DPP8: variants seen among roughly 807,000 people sequenced by gnomAD.
The protein encoded by DPP8 is DPP VIII.
DPP8 carries 31 observed loss-of-function variants against 107.5 expected under a neutral mutation model. That is an observed-to-expected ratio of 0.29 (90% CI 0.22 to 0.39). The LOEUF (loss-of-function observed/expected upper bound fraction) is 0.39. DPP8 is among the 10% of genes least tolerant of loss of function. The pLI is 1.00. For missense variants in DPP8, 842 were observed against 1,076.1 expected (o/e 0.78, Z 3.04); for synonymous variants, 381 against 356.6 (o/e 1.07, Z -0.77).
intron 1 of DPP8, 58 bp from the exon 2 acceptor site, chr15:65,512,622 T>C (rs2070935514): frequency 1.3e-6 from 2 of 1,580,880 alleles, no homozygotes; most frequent in African/African-American, 1.4e-5. Context: ...ATCAGAATGA[T>C]TCTCTGAGAG....
intron 3 of DPP8, among the ~76,000 whole-genome samples, chr15:65,506,365 A>T (rs988907581): frequency 6.6e-6 from 1 of 152,040 alleles, no homozygotes; most frequent in South Asian, 2.1e-4. Flanking sequence ...ATAAATACTC[A>T]CTGTAAAAAT....
At chr15:65,464,893 G>A (rs1052830488) in intron 14 of DPP8, among the ~76,000 whole-genome samples, 3 of 152,032 alleles carry the variant, frequency 2.0e-5, no homozygotes, top group Admixed American at 2.0e-4. Flanking sequence ...GCTGGGTGGG[G>A]GGGTGAGGTA....
chr15:65,512,679 T>G, intron 1 of DPP8, 115 bp from the exon 2 acceptor site: 1 of 1,031,690 alleles, frequency 9.7e-7, no homozygotes, highest in Non-Finnish European at 1.4e-6. Flanking sequence ...AAAAAATGCT[T>G]TTTAGCACAG....
chr15:65,503,817 G>T (rs2069561706), intron 3 of DPP8, among the ~76,000 whole-genome samples: 1 of 151,606 alleles, frequency 6.6e-6, no homozygotes, highest in African/African-American at 2.4e-5. Flanking sequence ...TAGAGATGGG[G>T]TTTCACCATG....
rs780619811 is a variant in DPP8, at chr15:65,490,175, T to A, written c.826+14A>T. On this transcript the variant is annotated intron_variant, in intron 6 of 19. Coordinates refer to ENST00000300141, the MANE Select transcript of DPP8 (RefSeq NM_130434.5). ...TTTAATTGACCCATAATATATTATT[T>A]TGAACCCCCTTACTTGTTTCAGCTT... 3 of 1,305,918 alleles carry A rather than the reference T, an allele frequency of 2.3e-6. No individual in the cohort carries two copies. The allele number at this position is 1,305,918 out of a possible 1,614,324, so 80.9% of individuals were successfully genotyped here.
At chr15:65,490,364 G>A in intron 5 of DPP8, 65 bp from the exon 6 acceptor site, 2 of 1,002,228 alleles carry the variant, frequency 2.0e-6, no homozygotes, top group South Asian at 2.6e-5. Flanking sequence ...AAAGCAAAAT[G>A]ATTCAGTTTA....
intron 8 of DPP8, among the ~76,000 whole-genome samples, chr15:65,483,022 G>A (rs960448847): frequency 1.2e-4 from 18 of 151,968 alleles, no homozygotes; most frequent in African/African-American, 1.7e-4. Context: ...GCGTGAACCC[G>A]GGAGGCGGAG....
chr15:65,459,326 G>A (rs1172919176), intron 15 of DPP8, among the ~76,000 whole-genome samples: 1 of 151,988 alleles, frequency 6.6e-6, no homozygotes, highest in African/African-American at 2.4e-5. Context: ...AGAGGTGTTT[G>A]CCACCATGCC....
At chr15:65,501,009 C>T (rs905199436) in intron 3 of DPP8, among the ~76,000 whole-genome samples, 1 of 151,794 alleles carries the variant, frequency 6.6e-6, no homozygotes, top group East Asian at 1.9e-4. Context: ...TTCCTAGTAG[C>T]TGGGACTACA....
chr15:65,446,753 T>C lies in DPP8; in HGVS notation c.*131A>G, dbSNP rs1409352460. 1.1e-6 allele frequency: 1 copy of C among 927,558 alleles called. No individual in the cohort carries two copies. Among genetic ancestry groups the C allele is most frequent in the Non-Finnish European group, 1.5e-6 (1 of 649,864 alleles). 57.5% of individuals were successfully genotyped at this position (927,558 alleles called of 1,614,324 possible). The stretch of plus-strand genomic sequence containing the variant: ...CCGTAGACCCCTGCATGGCACCACA[T>C]TTATTTTCAGGAGTAGATGTTACAT... On this transcript the variant is annotated 3_prime_UTR_variant, in exon 20 of 20. Coordinates refer to ENST00000300141, the MANE Select transcript of DPP8 (RefSeq NM_130434.5).
intron 16 of DPP8, among the ~76,000 whole-genome samples, chr15:65,454,921 A>G (rs990909819): frequency 5.9e-5 from 9 of 152,106 alleles, no homozygotes; most frequent in African/African-American, 1.7e-4. Flanking sequence ...ATAGGGGCCT[A>G]TATCTTCTGT....
chr15:65,450,885 T>C, intron 19 of DPP8, 114 bp downstream of exon 19: 2 of 667,246 alleles, frequency 3.0e-6, no homozygotes, highest in Non-Finnish European at 5.2e-6. Flanking sequence ...TTTAGTTCTC[T>C]TAAGCAGAGG....
intron 2 of DPP8, among the ~76,000 whole-genome samples, chr15:65,511,688 A>C (rs192510186): frequency 1.3e-4 from 20 of 151,422 alleles, no homozygotes; most frequent in African/African-American, 4.8e-4. Context: ...TCATGCAGAC[A>C]TCTTTAATAT....
Position 65,466,823 on chromosome 15 carries a change from G to A in DPP8, c.1690-10C>T. The A allele has an allele frequency of 6.2e-7, 1 of 1,604,704 alleles. No individual in the cohort carries two copies. The highest frequency in any genetic ancestry group is 8.5e-7 in the Non-Finnish European group (1 of 1,177,120). On this transcript the variant is annotated splice_polypyrimidine_tract_variant and intron_variant, in intron 13 of 19. Transcript: ENST00000300141. ...TAAAGAAGTCACAGTGCTAGAGAAA[G>A]GAGAAACAATTATATTTTTCGTCAG...
At chr15:65,515,849 T>A in intron 1 of DPP8, 1 of 667,820 alleles carries the variant, frequency 1.5e-6, no homozygotes, top group South Asian at 2.3e-5. Context: ...GGACCATATG[T>A]GGCCAAAAAG....
At chr15:65,475,287 T>C in intron 11 of DPP8, 1 of 681,294 alleles carries the variant, frequency 1.5e-6, no homozygotes, top group Non-Finnish European at 2.6e-6. Flanking sequence ...CAAATACCTC[T>C]ATTCCACCCC....
Position 65,467,063 on chromosome 15 carries a change from CTT to C in DPP8, c.1689+6_1689+7del, listed in dbSNP as rs1567172913. 6.2e-6 allele frequency: 10 copies of C among 1,613,964 alleles called. No homozygotes were observed. The highest frequency in any genetic ancestry group is 8.5e-6 in the Non-Finnish European group (10 of 1,179,960). ...TGACACAAAACCCTTTTTAAACAAA[CTT>C]AATACCTGACTGATGCAGCAAGAAT... On this transcript the variant is annotated splice_donor_region_variant and intron_variant, in intron 13 of 19. Transcript: ENST00000300141.
chr15:65,447,870 T>TA (rs796703506), intron 19 of DPP8, among the ~76,000 whole-genome samples: 1 of 152,188 alleles, frequency 6.6e-6, no homozygotes, highest in African/African-American at 2.4e-5. Context: ...TCCCAATACT[T>TA]AGACACTTTT....
intron 4 of DPP8, 108 bp downstream of exon 4, chr15:65,500,498 G>T: frequency 3.9e-6 from 3 of 773,996 alleles, no homozygotes; most frequent in South Asian, 2.0e-5. Context: ...TTTCTTTGTT[G>T]GTGGGTAAAC....
Sources: allele counts gnomAD v4.1 joint callset (sites outside exome capture counted in the v4.1 genomes callset), GRCh38; gene constraint gnomAD v4.1.1; transcripts MANE v1.5; gene names NCBI Gene and HGNC (gene_info 2026-07-23, HGNC 2026-07-21).